UTY: variants seen among roughly 807,000 people sequenced by gnomAD.
UTY encodes the protein ubiquitously transcribed tetratricopeptide repeat containing, Y-linked.
A neutral mutation model predicts 32.5 loss-of-function variants in UTY; 12 were observed. That is an observed-to-expected ratio of 0.37 (90% CI 0.24 to 0.60). The LOEUF is 0.60. UTY is among the 20% of genes least tolerant of loss of function. The pLI is 0.69. For missense variants in UTY, 303 were observed against 299.2 expected, an observed-to-expected ratio of 1.01 and a Z score of -0.09; for synonymous variants, 131 against 103.4, an observed-to-expected ratio of 1.27 and a Z score of -1.62.
intron 5 of UTY, 139 bp downstream of exon 5, chrY:13,414,596 C>T: frequency 1.2e-5 from 2 of 160,420 alleles, no homozygotes; most frequent in Non-Finnish European, 2.2e-5. Flanking sequence ...ATCAAGTTAC[C>T]AATTACTGGC....
At chrY:13,442,093 CAACT>C (rs2075248820) in intron 4 of UTY, among the ~76,000 whole-genome samples, 1 of 33,768 alleles carries the variant, frequency 3.0e-5, no homozygotes, top group Non-Finnish European at 7.4e-5. Flanking sequence ...ACTAAAGAAA[CAACT>C]AAAGCTTTAG....
At chrY:13,439,142 G>C (rs2074963663) in intron 4 of UTY, among the ~76,000 whole-genome samples, 1 of 32,890 alleles carries the variant, frequency 3.0e-5, no homozygotes, top group South Asian at 6.8e-4. Flanking sequence ...ATAGGAAATA[G>C]GCAGACAGAC....
At chrY:13,466,882 A>G (rs2077955801) in intron 3 of UTY, among the ~76,000 whole-genome samples, 2 of 34,285 alleles carry the variant, frequency 5.8e-5, no homozygotes, top group African/African-American at 2.3e-4. Context: ...CAAGTGATCA[A>G]GTTAACCTCT....
chrY:13,463,095 C>T (rs1603475763), intron 3 of UTY, among the ~76,000 whole-genome samples: 3 of 29,315 alleles, frequency 1.0e-4, no homozygotes, highest in African/African-American at 4.1e-4. Flanking sequence ...TAATTCCCAC[C>T]TATGAGTGAG....
At chrY:13,347,647 GGGAGGC>G in intron 17 of UTY, among the ~76,000 whole-genome samples, 1 of 32,339 alleles carries the variant, frequency 3.1e-5, no homozygotes, top group East Asian at 8.2e-4. Context: ...GCAAGAACCC[GGGAGGC>G]GGAGTTCGCA....
chrY:13,264,123 T>C (rs1015990805), intron 27 of UTY, among the ~76,000 whole-genome samples: 2 of 34,109 alleles, frequency 5.9e-5, no homozygotes, highest in Non-Finnish European at 7.3e-5. Context: ...TTTTTTTGGC[T>C]GCACAGTATT....
intron 18 of UTY, among the ~76,000 whole-genome samples, chrY:13,328,736 ATACT>A (rs2060434639): frequency 6.0e-5 from 2 of 33,338 alleles, no homozygotes. Flanking sequence ...TCAGCCACAG[ATACT>A]TACAATATTT....
At chrY:13,360,371 T>C in intron 11 of UTY, 59 bp downstream of exon 11, 2 of 295,260 alleles carry the variant, frequency 6.8e-6, no homozygotes, top group Admixed American at 7.8e-5. Context: ...GTATATTAGA[T>C]GTTTCAATCA....
intron 3 of UTY, among the ~76,000 whole-genome samples, chrY:13,458,711 G>T: frequency 1.2e-4 from 4 of 32,672 alleles, no homozygotes; most frequent in Admixed American, 1.1e-3. Flanking sequence ...CCATTCTGTA[G>T]GTGGCCTGTT....
intron 27 of UTY, among the ~76,000 whole-genome samples, chrY:13,281,837 G>C (rs889560921): frequency 3.0e-5 from 1 of 33,057 alleles, no homozygotes; most frequent in Admixed American, 2.8e-4. Context: ...CCTGCTTTCA[G>C]CGTAGGGCAA....
chrY:13,266,263 T>C (rs2055770764), intron 27 of UTY, among the ~76,000 whole-genome samples: 1 of 33,002 alleles, frequency 3.0e-5, no homozygotes, highest in East Asian at 7.9e-4. Flanking sequence ...TGTCCAGGAA[T>C]TTATTCCTTT....
downstream of UTY, among the ~76,000 whole-genome samples, chrY:13,246,648 T>C (rs1603223636): frequency 3.4e-5 from 1 of 29,324 alleles, no homozygotes; most frequent in African/African-American, 1.4e-4. Flanking sequence ...CTTTGGGAGG[T>C]TGACACGGGT....
At chrY:13,440,393 C>A in intron 4 of UTY, among the ~76,000 whole-genome samples, 1 of 33,376 alleles carries the variant, frequency 3.0e-5, no homozygotes, top group African/African-American at 1.2e-4. Context: ...TGTTATACTG[C>A]CATTGTTGCC....
intron 28 of UTY, among the ~76,000 whole-genome samples, chrY:13,241,644 A>C (rs1019015747): frequency 5.8e-5 from 2 of 34,264 alleles, no homozygotes; most frequent in Non-Finnish European, 1.5e-4. Context: ...ACCAAATAAA[A>C]TTAGAAGTAA....
intron 4 of UTY, among the ~76,000 whole-genome samples, chrY:13,418,614 T>C (rs959295806): frequency 3.0e-5 from 1 of 33,372 alleles, no homozygotes; most frequent in Non-Finnish European, 7.4e-5. Context: ...AACTGCTGGA[T>C]GAGCACACAA....
At chrY:13,328,300 G>GA (rs2060407830) in intron 18 of UTY, among the ~76,000 whole-genome samples, 1 of 33,682 alleles carries the variant, frequency 3.0e-5, no homozygotes, top group African/African-American at 1.2e-4. Context: ...ATTTACTGTA[G>GA]AATTCTGTTG....
intron 3 of UTY, among the ~76,000 whole-genome samples, chrY:13,450,337 G>A: frequency 3.0e-5 from 1 of 32,886 alleles, no homozygotes; most frequent in African/African-American, 1.2e-4. Context: ...AAAATCTATC[G>A]TATTGTAGCC....
intron 17 of UTY, among the ~76,000 whole-genome samples, chrY:13,345,531 C>T: frequency 5.9e-5 from 2 of 34,145 alleles, no homozygotes; most frequent in African/African-American, 1.1e-4. Flanking sequence ...GCAAATGCTG[C>T]CAAGCTTTTT....
chrY:13,444,940 G>A, intron 4 of UTY, among the ~76,000 whole-genome samples: 1 of 31,148 alleles, frequency 3.2e-5, no homozygotes. Flanking sequence ...TGCAGATTAC[G>A]AGGTCAGGAG....
Sources: allele counts gnomAD v4.1 joint callset (sites outside exome capture counted in the v4.1 genomes callset), GRCh38; gene constraint gnomAD v4.1.1; transcripts MANE v1.5; gene names NCBI Gene and HGNC (gene_info 2026-07-23, HGNC 2026-07-21).